Variants in TAFA1 observed in about 807,000 individuals in gnomAD.
TAFA1 encodes chemokine-like protein TAFA-1.
Under a neutral mutation model 18.5 loss-of-function variants are expected in TAFA1, and 4 were observed. The ratio of observed to expected loss-of-function variants is 0.22; its 90% CI spans 0.11 to 0.49. TAFA1 has a LOEUF of 0.49. TAFA1 is among the 20% of genes least tolerant of loss of function. The probability of loss-of-function intolerance (pLI) is 0.98; values close to 1 mark genes in which losing one functional copy is unlikely to be tolerated. For missense variants in TAFA1, 147 were observed against 169.0 expected, an observed-to-expected ratio of 0.87 and a Z score of 0.72; for synonymous variants, 56 against 55.2, an observed-to-expected ratio of 1.01 and a Z score of -0.06.
At chr3:68,308,563 G>A (rs1247529149) in intron 2 of TAFA1, among the ~76,000 whole-genome samples, 1 of 152,044 alleles carries the variant, frequency 6.6e-6, no homozygotes, top group African/African-American at 2.4e-5. Context: ...CAAAAAAAAG[G>A]CTTCTTATTT....
rs527244983 is a variant in TAFA1 at position 68,494,166 on chromosome 3, A to G, written c.260-44590A>G. ...ACCCAAGCTGGCGTGCAGTGGCACA[A>G]TCTCGGCTCACTGCAGCCTCCACCT... On this transcript the variant is annotated intron_variant, in intron 3 of 4. Transcript: ENST00000478136. 7.5e-4 allele frequency among the ~76,000 whole-genome samples: 114 copies of G among 152,306 alleles called. No individual in the cohort carries two copies. In the Middle Eastern group the frequency reaches 0.01, roughly 14 times the overall value.
chr3:68,372,838 GC>G (rs2069737867), intron 2 of TAFA1, among the ~76,000 whole-genome samples: 2 of 152,096 alleles, frequency 1.3e-5, no homozygotes, highest in South Asian at 2.1e-4. Context: ...CTAAAGAATA[GC>G]CCCAATAAGA....
At chr3:68,278,654 G>C (rs2067839428) in intron 2 of TAFA1, among the ~76,000 whole-genome samples, 1 of 152,084 alleles carries the variant, frequency 6.6e-6, no homozygotes, top group Non-Finnish European at 1.5e-5. Flanking sequence ...TCTTTTAGCT[G>C]TAAGCCCAGG....
At chr3:68,524,060 A>G (rs9310104) in intron 3 of TAFA1, among the ~76,000 whole-genome samples, 121,620 of 152,138 alleles carry the variant, frequency 0.8, 48,697 homozygotes, top group East Asian at 0.89. Flanking sequence ...ATGACTTAAA[A>G]GAACAAAAAT....
intron 2 of TAFA1, among the ~76,000 whole-genome samples, chr3:68,230,366 G>A (rs1045622654): frequency 6.6e-6 from 1 of 151,298 alleles, no homozygotes; most frequent in Non-Finnish European, 1.5e-5. Flanking sequence ...TGAAAAATGT[G>A]CCATGTTTGT....
chr3:68,420,810 A>G (rs1267587935), intron 3 of TAFA1, among the ~76,000 whole-genome samples: 1 of 152,156 alleles, frequency 6.6e-6, no homozygotes, highest in Non-Finnish European at 1.5e-5. Context: ...AACTAGCACT[A>G]TGATTATTTA....
chr3:68,314,700 T>C (rs2068577837), intron 2 of TAFA1, among the ~76,000 whole-genome samples: 1 of 152,074 alleles, frequency 6.6e-6, no homozygotes, highest in Admixed American at 6.6e-5. Flanking sequence ...ATATATGAAA[T>C]CTTAAACATT....
intron 2 of TAFA1, among the ~76,000 whole-genome samples, chr3:68,083,811 C>G (rs1200523388): frequency 6.6e-6 from 1 of 151,950 alleles, no homozygotes; most frequent in African/African-American, 2.4e-5. Flanking sequence ...TTTTCTCTCC[C>G]TCAGCTTCGG....
chr3:68,494,767 A>G (rs2072515794), intron 3 of TAFA1, among the ~76,000 whole-genome samples: 1 of 152,238 alleles, frequency 6.6e-6, no homozygotes, highest in Admixed American at 6.5e-5. Flanking sequence ...AGCTTAATGC[A>G]ATTCCTAATT....
intron 2 of TAFA1, among the ~76,000 whole-genome samples, chr3:68,189,322 A>G (rs1439398754): frequency 6.6e-5 from 10 of 151,928 alleles, no homozygotes; most frequent in Admixed American, 3.3e-4. Flanking sequence ...AGCCCTAGAA[A>G]GCAACTTTTG....
intron 2 of TAFA1, among the ~76,000 whole-genome samples, chr3:68,231,522 G>A (rs933281218): frequency 1.0e-4 from 15 of 150,352 alleles, no homozygotes; most frequent in East Asian, 2.0e-4. Context: ...CACCGCGCCC[G>A]GCTAATTTTT....
chr3:68,331,309 T>C (rs2068864429), intron 2 of TAFA1, among the ~76,000 whole-genome samples: 1 of 152,170 alleles, frequency 6.6e-6, no homozygotes, highest in Non-Finnish European at 1.5e-5. Context: ...ACTGACTTCT[T>C]GAAGGGTACA....
chr3:68,117,290 C>CAAAAA (rs2065335990), intron 2 of TAFA1, among the ~76,000 whole-genome samples: 1 of 152,154 alleles, frequency 6.6e-6, no homozygotes, highest in African/African-American at 2.4e-5. Context: ...CGCAAAACTT[C>CAAAAA]TCAGGAGCAC....
rs1011330943 is a variant in TAFA1, at chr3:68,332,225, GA to G, written c.119-85045del. Among the ~76,000 whole-genome samples the G allele has an allele frequency of 4.9e-4, 70 of 143,122 alleles. No individual in the cohort carries two copies. The East Asian group carries it at 9.7e-3, about 20-fold the overall frequency. 93.9% of individuals were successfully genotyped at this position (143,122 alleles called of 152,430 possible). ...CATATCTGTATACAAAAAGAAAACA[GA>G]AAAAAAAAAGAAATTGGATCCATAC... On this transcript the variant is annotated intron_variant, in intron 2 of 4. Transcript: ENST00000478136.
intron 2 of TAFA1, among the ~76,000 whole-genome samples, chr3:68,375,089 C>A (rs903194025): frequency 6.6e-6 from 1 of 152,084 alleles, no homozygotes; most frequent in African/African-American, 2.4e-5. Flanking sequence ...TAAGAAGATT[C>A]TCTTTTGGCA....
chr3:68,418,574 G>A (rs531942684), intron 3 of TAFA1, among the ~76,000 whole-genome samples: 39 of 151,866 alleles, frequency 2.6e-4, no homozygotes, highest in African/African-American at 9.2e-4. Flanking sequence ...GTTACTTCAG[G>A]CCATCTGGGT....
intron 2 of TAFA1, among the ~76,000 whole-genome samples, chr3:68,210,906 CCTGTGGCTACAGGCAT>C (rs2066588561): frequency 6.6e-6 from 1 of 151,956 alleles, no homozygotes; most frequent in Non-Finnish European, 1.5e-5. Context: ...TCAAATATTG[CCTGTGGCTACAGGCAT>C]CTGTAAGCTT....
chr3:68,365,746 G>A (rs1385257317), intron 2 of TAFA1, among the ~76,000 whole-genome samples: 1 of 152,150 alleles, frequency 6.6e-6, no homozygotes, highest in Non-Finnish European at 1.5e-5. Flanking sequence ...ATACATGATA[G>A]CAGCCAAGAG....
chr3:68,494,189 C>T (rs866469529), intron 3 of TAFA1, among the ~76,000 whole-genome samples: 1 of 152,296 alleles, frequency 6.6e-6, no homozygotes, highest in South Asian at 2.1e-4. Context: ...GCAGCCTCCA[C>T]CTCCTGGGCT....
Sources: gnomAD v4.1 joint callset for allele counts (sites outside exome capture counted in the v4.1 genomes callset) on GRCh38, gnomAD v4.1.1 for gene constraint, MANE v1.5 for transcripts, NCBI Gene and HGNC (gene_info 2026-07-23, HGNC 2026-07-21) for gene names.